ZNF804A: variants seen among roughly 807,000 people sequenced by gnomAD.
The protein encoded by ZNF804A is zinc finger protein 804A.
A neutral mutation model predicts 16.5 loss-of-function variants in ZNF804A; 2 were observed. That is an observed-to-expected ratio of 0.12 (90% CI 0.05 to 0.38). The LOEUF (loss-of-function observed/expected upper bound fraction) is 0.38. ZNF804A is among the 10% of genes least tolerant of loss of function. ZNF804A has a pLI of 0.99. For missense variants in ZNF804A, 1,473 were observed against 1,390.7 expected (o/e 1.06, Z -0.94); for synonymous variants, 534 against 489.6 (o/e 1.09, Z -1.20).
At chr2:184,885,409 T>G (rs568770635) in intron 2 of ZNF804A, among the ~76,000 whole-genome samples, 1 of 152,266 alleles carries the variant, frequency 6.6e-6, no homozygotes, top group Admixed American at 6.5e-5. Flanking sequence ...ACAGCACTAT[T>G]CACAATAGCA....
chr2:184,910,456 C>T (rs948877823), intron 2 of ZNF804A, among the ~76,000 whole-genome samples: 2 of 151,850 alleles, frequency 1.3e-5, no homozygotes, highest in South Asian at 2.1e-4. Flanking sequence ...GTGTCTTTAT[C>T]GTAGAGGGAT....
intron 1 of ZNF804A, among the ~76,000 whole-genome samples, chr2:184,715,690 T>C (rs527437601): frequency 2.6e-5 from 4 of 152,282 alleles, no homozygotes; most frequent in African/African-American, 9.6e-5. Context: ...CATGAGCTAC[T>C]GTACCCAGCC....
chr2:184,699,480 T>C (rs1393654688), intron 1 of ZNF804A, among the ~76,000 whole-genome samples: 1 of 152,122 alleles, frequency 6.6e-6, no homozygotes, highest in East Asian at 1.9e-4. Context: ...CCAAAGCTGC[T>C]GCCAAAATGC....
chr2:184,776,139 G>A (rs1694282233), intron 1 of ZNF804A, among the ~76,000 whole-genome samples: 1 of 151,496 alleles, frequency 6.6e-6, no homozygotes, highest in Non-Finnish European at 1.5e-5. Flanking sequence ...TTAGAAAAAA[G>A]AACAGTTAAA....
At chr2:184,903,758 A>G (rs1026569056) in intron 2 of ZNF804A, among the ~76,000 whole-genome samples, 11 of 152,144 alleles carry the variant, frequency 7.2e-5, no homozygotes, top group Admixed American at 2.6e-4. Context: ...TAGTTAATGT[A>G]TACAACTTGA....
intron 2 of ZNF804A, among the ~76,000 whole-genome samples, chr2:184,886,594 G>C (rs1346415904): frequency 6.6e-6 from 1 of 152,240 alleles, no homozygotes; most frequent in East Asian, 1.9e-4. Context: ...TGGGCATCCA[G>C]GCATTTCCAT....
chr2:184,676,799 T>C (rs1358535120), intron 1 of ZNF804A, among the ~76,000 whole-genome samples: 1 of 151,812 alleles, frequency 6.6e-6, no homozygotes, highest in African/African-American at 2.4e-5. Context: ...ACTGTAGTGT[T>C]CTATGACCTT....
At chr2:184,833,826 T>C (rs1486070415) in intron 1 of ZNF804A, among the ~76,000 whole-genome samples, 1 of 152,060 alleles carries the variant, frequency 6.6e-6, no homozygotes, top group Non-Finnish European at 1.5e-5. Context: ...GGCACATGTG[T>C]ACCTACATAA....
At chr2:184,887,255 G>T (rs562968837) in intron 2 of ZNF804A, among the ~76,000 whole-genome samples, 1 of 152,122 alleles carries the variant, frequency 6.6e-6, no homozygotes, top group African/African-American at 2.4e-5. Flanking sequence ...TTCACAATGG[G>T]TTCCTCGTCT....
At chr2:184,931,979 T>C (rs937945010) in intron 2 of ZNF804A, among the ~76,000 whole-genome samples, 1 of 152,212 alleles carries the variant, frequency 6.6e-6, no homozygotes, top group Non-Finnish European at 1.5e-5. Flanking sequence ...CATCAGTCTT[T>C]TTGCTAAAGC....
chr2:184,855,446 C>T (rs1034114663), intron 1 of ZNF804A, among the ~76,000 whole-genome samples: 3 of 151,990 alleles, frequency 2.0e-5, no homozygotes, highest in African/African-American at 7.2e-5. Context: ...TTTTCTTCTC[C>T]TCCTCCAGCT....
intron 2 of ZNF804A, among the ~76,000 whole-genome samples, chr2:184,926,507 G>T (rs113696648): frequency 2.6e-5 from 4 of 152,068 alleles, no homozygotes; most frequent in African/African-American, 9.6e-5. Context: ...TCTTCATGGT[G>T]TTCTATAACC....
Position 184,870,726 on chromosome 2 carries a change from A to G in ZNF804A, c.255+4214A>G, listed in dbSNP as rs114893743. 7.5e-3 allele frequency among the ~76,000 whole-genome samples: 1,134 copies of G among 152,178 alleles called. 15 individuals carry two copies. Among genetic ancestry groups the G allele is most frequent in the African/African-American group, 0.026 (1,078 of 41,554 alleles). On this transcript the variant is annotated intron_variant, in intron 2 of 3. Transcript: ENST00000302277. ...TTGTAATAAGTCAAAATTTTGTGGT[A>G]GGTAAGAGCTTCAAAAAACAAAATG...
chr2:184,933,263 AT>A (rs1223797742), intron 2 of ZNF804A, among the ~76,000 whole-genome samples: 10 of 152,118 alleles, frequency 6.6e-5, no homozygotes, highest in Non-Finnish European at 2.9e-5. Context: ...AGCAAGTTGA[AT>A]TTTTTTGTAA....
chr2:184,711,222 T>G (rs1693120458), intron 1 of ZNF804A, among the ~76,000 whole-genome samples: 1 of 151,694 alleles, frequency 6.6e-6, no homozygotes, highest in South Asian at 2.1e-4. Context: ...AGTGATATTT[T>G]GTTGTGGTTT....
chr2:184,882,180 CA>C (rs1228336677), intron 2 of ZNF804A, among the ~76,000 whole-genome samples: 26 of 151,652 alleles, frequency 1.7e-4, no homozygotes, highest in African/African-American at 6.3e-4. Context: ...CAACAAATAT[CA>C]AAAAAAGACA....
At chr2:184,711,443 C>T (rs1693124503) in intron 1 of ZNF804A, among the ~76,000 whole-genome samples, 1 of 151,614 alleles carries the variant, frequency 6.6e-6, no homozygotes, top group South Asian at 2.1e-4. Context: ...ATATTTTCTC[C>T]CATACTGTAT....
chr2:184,674,305 A>G (rs1400231756), intron 1 of ZNF804A, among the ~76,000 whole-genome samples: 3 of 152,088 alleles, frequency 2.0e-5, no homozygotes, highest in African/African-American at 7.2e-5. Flanking sequence ...AAAGTTGTGG[A>G]AACTAATAAT....
At chr2:184,719,328 C>T (rs898106609) in intron 1 of ZNF804A, among the ~76,000 whole-genome samples, 3 of 151,990 alleles carry the variant, frequency 2.0e-5, no homozygotes, top group African/African-American at 7.2e-5. Flanking sequence ...ATGGGAGGGG[C>T]TGCCACAAAG....
Sources: gnomAD v4.1 joint callset for allele counts (sites outside exome capture counted in the v4.1 genomes callset) on GRCh38, gnomAD v4.1.1 for gene constraint, MANE v1.5 for transcripts, NCBI Gene and HGNC (gene_info 2026-07-23, HGNC 2026-07-21) for gene names.